The following ABCA10 variants were observed in gnomAD, a reference collection of about 807,000 sequenced individuals.
The protein encoded by ABCA10 is ATP-binding cassette sub-family A member 10.
Under a neutral mutation model 187.5 loss-of-function variants are expected in ABCA10, and 169 were observed. The observed-to-expected ratio is 0.90, with a 90% CI of 0.80 to 1.02. The LOEUF (loss-of-function observed/expected upper bound fraction) is 1.02, where lower values mean the gene tolerates loss of function less well. ABCA10 is among the 50% of genes least tolerant of loss of function. The pLI is 0.00. For missense variants in ABCA10, 1,727 were observed against 1,812.4 expected (o/e 0.95, Z 0.86); for synonymous variants, 574 against 601.8 (o/e 0.95, Z 0.68).
chr17:69,192,121 G>C (rs1410676171), intron 16 of ABCA10, among the ~76,000 whole-genome samples: 1 of 152,080 alleles, frequency 6.6e-6, no homozygotes, highest in Non-Finnish European at 1.5e-5. Flanking sequence ...TCAGGAGATC[G>C]AGGCCATCCT....
chr17:69,187,533 G>T, intron 19 of ABCA10, 148 bp downstream of exon 19: 1 of 833,968 alleles, frequency 1.2e-6, no homozygotes, highest in Non-Finnish European at 1.8e-6. Flanking sequence ...ACATGAGGCA[G>T]TCAGGCCCTT....
At chr17:69,202,968 A>G (rs2144818945) in intron 9 of ABCA10, among the ~76,000 whole-genome samples, 1 of 152,338 alleles carries the variant, frequency 6.6e-6, no homozygotes, top group Admixed American at 6.5e-5. Context: ...TTTCACTGCA[A>G]GCTGTTACTG....
intron 22 of ABCA10, among the ~76,000 whole-genome samples, chr17:69,178,641 G>A (rs1033396986): frequency 1.3e-5 from 2 of 152,134 alleles, no homozygotes; most frequent in Admixed American, 1.3e-4. Context: ...CTGAGTAAAA[G>A]GGAAATTGTG....
In ABCA10 at chr17:69,223,139, C is replaced by T. The variant is rs576044576; in HGVS notation, c.35-442G>A. 1.1e-4 allele frequency among the ~76,000 whole-genome samples: 16 copies of T among 152,126 alleles called. No homozygotes were observed. In the South Asian group the frequency reaches 3.3e-3, roughly 32 times the overall value. On this transcript the variant is annotated intron_variant, in intron 3 of 38. Transcript: ENST00000690296. ...TATTTTTGCTTCATACAAGTTTGTA[C>T]TATTCAACTTTTTTTAAAGTAGATA...
intron 30 of ABCA10, 121 bp from the exon 31 acceptor site, chr17:69,154,447 C>T: frequency 1.4e-6 from 1 of 701,590 alleles, no homozygotes. Flanking sequence ...TTTTCAGAGA[C>T]AGAGTTTTGC....
chr17:69,187,889 T>C lies in ABCA10; in HGVS notation c.2132-10A>G, dbSNP rs368965135. The C allele has an allele frequency of 1.2e-6, 2 of 1,611,092 alleles. No individual in the cohort carries two copies. The highest frequency in any genetic ancestry group is 1.7e-5 in the Admixed American group (1 of 59,912). ...TTCCCAATGTCAAAATCTACAATCA[T>C]GTAATAAAACATTTTAATAGGCTAT... On this transcript the variant is annotated splice_polypyrimidine_tract_variant and intron_variant, in intron 18 of 38. Coordinates refer to ENST00000690296, the MANE Select transcript of ABCA10 (RefSeq NM_001377321.1).
chr17:69,170,638 A>G (rs2074291454), intron 25 of ABCA10, among the ~76,000 whole-genome samples: 1 of 152,184 alleles, frequency 6.6e-6, no homozygotes, highest in Non-Finnish European at 1.5e-5. Context: ...AGTTGTAGAC[A>G]TCTGTATGTA....
intron 11 of ABCA10, chr17:69,196,111 C>G (rs188079369): frequency 0.071 from 11,564 of 162,558 alleles, 549 homozygotes; most frequent in Admixed American, 0.15. Context: ...GGCAGAGGGG[C>G]CCCCCACCTC....
chr17:69,235,333 CCTAT>C (rs1218537111), intron 1 of ABCA10, among the ~76,000 whole-genome samples: 3 of 152,176 alleles, frequency 2.0e-5, no homozygotes, highest in Non-Finnish European at 4.4e-5. Flanking sequence ...CTTGTCCTGT[CCTAT>C]CTAAGAACCA....
At chr17:69,166,185 A>G (rs775338528) in intron 25 of ABCA10, among the ~76,000 whole-genome samples, 1 of 152,166 alleles carries the variant, frequency 6.6e-6, no homozygotes, top group Non-Finnish European at 1.5e-5. Context: ...AGCAAATGGC[A>G]TATCTCAGTA....
rs532200719 is a variant in ABCA10, at chr17:69,191,487, A to G, written c.1872-172T>C. 4.6e-5 allele frequency among the ~76,000 whole-genome samples: 7 copies of G among 152,358 alleles called. No individual in the cohort carries two copies. In the East Asian group the frequency reaches 1.2e-3, roughly 25 times the overall value. ...CACTTCAAATTGCTAATTCAACTTC[A>G]AAGTGCTAATTGGTAGCCTATTTTG... is the stretch of plus-strand genomic sequence containing the variant. On this transcript the variant is annotated intron_variant, in intron 16 of 38. Coordinates refer to ENST00000690296, the MANE Select transcript of ABCA10 (RefSeq NM_001377321.1).
intron 22 of ABCA10, among the ~76,000 whole-genome samples, chr17:69,176,348 T>A (rs1463446080): frequency 6.6e-6 from 1 of 152,134 alleles, no homozygotes; most frequent in Non-Finnish European, 1.5e-5. Flanking sequence ...AATTAAACAA[T>A]TGTCAAGGCA....
intron 19 of ABCA10, among the ~76,000 whole-genome samples, chr17:69,187,222 G>A (rs1019278126): frequency 2.0e-5 from 3 of 152,084 alleles, no homozygotes; most frequent in Non-Finnish European, 4.4e-5. Context: ...TCATCCTGCC[G>A]ACTTCACAGC....
intron 25 of ABCA10, among the ~76,000 whole-genome samples, chr17:69,170,090 C>A (rs1190899399): frequency 6.6e-6 from 1 of 151,858 alleles, no homozygotes; most frequent in African/African-American, 2.4e-5. Flanking sequence ...GAGTTCAAGA[C>A]CAGCCTGGCC....
Position 69,155,670 on chromosome 17 carries a change from T to G in ABCA10, c.3576+135A>C, listed in dbSNP as rs1453789826. The G allele has an allele frequency of 3.6e-5, 43 of 1,178,574 alleles. No individual in the cohort carries two copies. In the South Asian group the frequency reaches 7.7e-4, roughly 21 times the overall value. 73.0% of individuals were successfully genotyped at this position (1,178,574 alleles called of 1,614,324 possible). ...ACAGGGTAGTTACTTTTAAAGAGAATAATTTGAATATAAGCTATAAATAGA... is the reference window on the plus strand; with the variant it reads ...ACAGGGTAGTTACTTTTAAAGAGAAGAATTTGAATATAAGCTATAAATAGA... On this transcript the variant is annotated intron_variant, in intron 29 of 38. Transcript: ENST00000690296.
At chr17:69,188,108 G>T (rs1243713795) in intron 18 of ABCA10, among the ~76,000 whole-genome samples, 4 of 152,120 alleles carry the variant, frequency 2.6e-5, no homozygotes, top group African/African-American at 9.7e-5. Flanking sequence ...TTCCTAACAA[G>T]CATTTATTCT....
upstream of ABCA10, among the ~76,000 whole-genome samples, chr17:69,230,907 A>C (rs1028457887): frequency 1.3e-5 from 2 of 151,996 alleles, no homozygotes; most frequent in African/African-American, 4.8e-5. Flanking sequence ...CTTTCTTTAC[A>C]TATGACTGGC....
upstream of ABCA10, among the ~76,000 whole-genome samples, chr17:69,229,494 T>A (rs1019375622): frequency 6.6e-6 from 1 of 152,006 alleles, no homozygotes; most frequent in Non-Finnish European, 1.5e-5. Flanking sequence ...GAATGGCAAA[T>A]AATGCCTCTT....
intron 18 of ABCA10, among the ~76,000 whole-genome samples, chr17:69,188,673 C>T (rs2074439450): frequency 6.6e-6 from 1 of 151,634 alleles, no homozygotes; most frequent in South Asian, 2.1e-4. Context: ...CCCACTAGGT[C>T]ATTTTTCAAT....
Sources: allele counts gnomAD v4.1 joint callset (sites outside exome capture counted in the v4.1 genomes callset), GRCh38; gene constraint gnomAD v4.1.1; transcripts MANE v1.5; gene names NCBI Gene and HGNC (gene_info 2026-07-23, HGNC 2026-07-21).